MROH2A: variants seen among roughly 807,000 people sequenced by gnomAD.
The protein encoded by MROH2A is maestro heat-like repeat-containing protein family member 2A.
Under a neutral mutation model 200.4 loss-of-function variants are expected in MROH2A, and 174 were observed. The ratio of observed to expected loss-of-function variants is 0.87; its 90% confidence interval spans 0.77 to 0.98. MROH2A has a LOEUF of 0.98. Among genes scored for constraint, MROH2A ranks in the 50% least tolerant of loss-of-function variants. MROH2A has a pLI of 0.00. For missense variants in MROH2A, 2,045 were observed against 2,139.6 expected (o/e 0.96, Z 0.87); for synonymous variants, 829 against 840.4 (o/e 0.99, Z 0.23).
intron 3 of MROH2A, among the ~76,000 whole-genome samples, chr2:233,789,216 T>C (rs1013954038): frequency 6.6e-6 from 1 of 152,152 alleles, no homozygotes; most frequent in African/African-American, 2.4e-5. Flanking sequence ...GCCCCATGCA[T>C]AGAGAACCTT....
In MROH2A at chr2:233,810,753, T is replaced by A. The variant is rs766301696; in HGVS notation, c.2449-41T>A. 31 of 1,546,008 alleles carry A rather than the reference T, an allele frequency of 2.0e-5. 1 individual carries two copies. In the South Asian group the frequency reaches 3.2e-4, roughly 16 times the overall value. On this transcript the variant is annotated intron_variant, in intron 22 of 41. Transcript: ENST00000389758. ...GCAGCTTGGATTCTTCTGGGGCTGC[T>A]CACAAACATTCTCTCCCTCCTTTTC...
chr2:233,825,797 G>T lies in MROH2A; in HGVS notation c.4113+2133G>T, dbSNP rs181357378. ...GTTTTCTTTTTTTTGTTGTATCTCT[G>T]CCTGGTTTTGGTATCAGGATGATGC... On this transcript the variant is annotated intron_variant, in intron 35 of 41. Coordinates refer to ENST00000389758, the MANE Select transcript of MROH2A (RefSeq NM_001394639.1). Among the ~76,000 whole-genome samples, 263 of 151,928 alleles carry T rather than the reference G, an allele frequency of 1.7e-3. 1 individual carries two copies. The highest frequency in any genetic ancestry group is 3.1e-3 in the Non-Finnish European group (213 of 67,986).
chr2:233,801,838 G>T (rs1341340419), intron 14 of MROH2A, among the ~76,000 whole-genome samples: 5 of 152,196 alleles, frequency 3.3e-5, no homozygotes. Context: ...TGCCCCTCTA[G>T]AGGACTTGGG....
Position 233,829,757 on chromosome 2 carries a change from C to T in MROH2A, c.4584C>T (p.Pro1528=). 3 of 1,406,714 alleles carry T rather than the reference C, an allele frequency of 2.1e-6. No homozygotes were observed. The highest frequency in any genetic ancestry group is 2.8e-6 in the Non-Finnish European group (3 of 1,075,442). 87.1% of individuals were successfully genotyped at this position (1,406,714 alleles called of 1,614,324 possible). ...WIPLMLHSQD[P]CSNAAQACMA... ...CCCTCATGCTGCACTCCCAGGACCC[C>T]TGCTCCAATGCAGCCCAAGTAAGAT... The change falls in exon 38 of 42, where the codon CCC becomes CCT. Residue 1528 remains proline (P), a synonymous_variant. Transcript: ENST00000389758.
chr2:233,780,728 T>C (rs977387663), intron 3 of MROH2A, among the ~76,000 whole-genome samples: 2 of 152,222 alleles, frequency 1.3e-5, no homozygotes, highest in Non-Finnish European at 2.9e-5. Flanking sequence ...CATTTCTTTG[T>C]GTTGCAAGCA....
At chr2:233,822,678 C>G (rs1219910306) in intron 33 of MROH2A, 122 bp downstream of exon 33, 19 of 1,209,004 alleles carry the variant, frequency 1.6e-5, no homozygotes, top group Non-Finnish European at 2.2e-5. Context: ...GGGATCTGAT[C>G]TTACTCAAAA....
chr2:233,811,059 G>A (rs1703125421), intron 23 of MROH2A, 143 bp downstream of exon 23: 1 of 931,648 alleles, frequency 1.1e-6, no homozygotes. Context: ...TGTCCTAACT[G>A]TAGGAGTTCT....
rs181515688 is a variant in MROH2A, at chr2:233,801,467, A to G, written c.1561-701A>G. ...CAGAGAAACAGAACCAGTAGAAGAC[A>G]TATATAGCCTGGTTTATTTTAAGGA... On this transcript the variant is annotated intron_variant, in intron 14 of 41. Transcript: ENST00000389758. Among the ~76,000 whole-genome samples, 3 of 152,334 alleles carry G rather than the reference A, an allele frequency of 2.0e-5. No homozygotes were observed. In the East Asian group the frequency reaches 5.8e-4, roughly 29 times the overall value.
Position 233,807,671 on chromosome 2 carries a change from G to T in MROH2A, c.2173-62G>T. 6.5e-7 allele frequency: 1 copy of T among 1,549,396 alleles called. No homozygotes were observed. The highest frequency in any genetic ancestry group is 1.2e-5 in the South Asian group (1 of 83,964). The stretch of plus-strand genomic sequence containing the variant: ...GTGTGTGTGCCTTGCACGTGTGTGT[G>T]TGGGATCCTCCTCTGCCCACTGGCC... On this transcript the variant is annotated intron_variant, in intron 20 of 41. Coordinates refer to ENST00000389758, the MANE Select transcript of MROH2A (RefSeq NM_001394639.1). The surrounding 1 kb of genome is among the most constrained non-coding windows in gnomAD (Gnocchi z 4.3).
chr2:233,807,786 G>A lies in MROH2A; in HGVS notation c.2226G>A (p.Leu742=). The A allele has an allele frequency of 2.6e-6, 4 of 1,550,862 alleles. No homozygotes were observed. The highest frequency in any genetic ancestry group is 3.5e-6 in the Non-Finnish European group (4 of 1,147,056). Residue 742 remains leucine, a synonymous_variant, in exon 21 of 42, where the codon CTG becomes CTA. Transcript: ENST00000389758. This position sits in a 1 kb window ranked among gnomAD's most constrained non-coding sequence, Gnocchi z 4.3. ...LCARGQVKTV[L]NVLHDFEERI... ...CCCGGGGCCAGGTAAAAACGGTGCT[G>A]AATGTGCTTCATGACTTCGAGGAGA...
chr2:233,820,100 G>T lies in MROH2A; in HGVS notation c.3512+44G>T. The T allele has an allele frequency of 1.4e-6, 2 of 1,465,538 alleles. No homozygotes were observed. The highest frequency in any genetic ancestry group is 2.8e-5 in the South Asian group (2 of 72,396). 90.8% of individuals were successfully genotyped at this position (1,465,538 alleles called of 1,614,324 possible). On this transcript the variant is annotated intron_variant, in intron 31 of 41. Transcript: ENST00000389758. The surrounding 1 kb of genome is among the most constrained non-coding windows in gnomAD (Gnocchi z 4.1). Reference sequence around the variant, plus strand: ...GTGGCCCCGGCCTCCTGTGCCATTTGACCATGCCCAACTCACCACCCCGAT... The same window carrying T: ...GTGGCCCCGGCCTCCTGTGCCATTTTACCATGCCCAACTCACCACCCCGAT...
At chr2:233,804,298 C>T in intron 17 of MROH2A, 106 bp downstream of exon 17, 2 of 1,469,350 alleles carry the variant, frequency 1.4e-6, no homozygotes, top group South Asian at 1.3e-5. Flanking sequence ...CACAGTTGAC[C>T]CACACAGCCA....
intron 29 of MROH2A, 78 bp downstream of exon 29, chr2:233,818,848 C>T: frequency 5.6e-6 from 5 of 893,656 alleles, no homozygotes; most frequent in Non-Finnish European, 6.8e-6. Context: ...GGAGGCCTTC[C>T]TGGGCTGGCC....
In MROH2A at chr2:233,802,246, A is replaced by G. The variant is rs201151796; in HGVS notation, c.1639A>G (p.Thr547Ala). The G allele has an allele frequency of 6.4e-7, 1 of 1,550,546 alleles. No individual in the cohort carries two copies. Among genetic ancestry groups the G allele is most frequent in the Non-Finnish European group, 8.7e-7 (1 of 1,146,900 alleles). ...TTTGACTCCTATCTGTATCAGCCTC[A>G]CAAACCTGGCAGAACACCAGCTCCA... ...EALTPICISL[T>A]NLAEHQLHGQ... Residue 547 changes from threonine (T) to alanine (A), a missense_variant, in exon 15 of 42, where the codon ACA becomes GCA. Thr to Ala is a moderately conservative substitution (Grantham distance 58). Coordinates refer to ENST00000389758, the MANE Select transcript of MROH2A (RefSeq NM_001394639.1).
intron 26 of MROH2A, among the ~76,000 whole-genome samples, chr2:233,815,808 G>A (rs1185761202): frequency 6.8e-6 from 1 of 146,534 alleles, no homozygotes. Flanking sequence ...AATAAGCCTT[G>A]AAATCAGGAT....
chr2:233,830,983 T>G (rs1268884482), intron 38 of MROH2A, among the ~76,000 whole-genome samples: 1 of 152,014 alleles, frequency 6.6e-6, no homozygotes, highest in East Asian at 1.9e-4. Flanking sequence ...ACAGAAGCAT[T>G]TTGTCTTCCT....
chr2:233,801,351 C>T lies in MROH2A; in HGVS notation c.1561-817C>T, dbSNP rs184301104. On this transcript the variant is annotated intron_variant, in intron 14 of 41. Coordinates refer to ENST00000389758, the MANE Select transcript of MROH2A (RefSeq NM_001394639.1). The stretch of plus-strand genomic sequence containing the variant: ...GGGGTGGAGAGGGATTATAATTAGT[C>T]GGGGGTGTTGAACGGTCACCCAGGG... 1.5e-4 allele frequency among the ~76,000 whole-genome samples: 23 copies of T among 152,038 alleles called. No individual in the cohort carries two copies. In the East Asian group the frequency reaches 3.7e-3, roughly 24 times the overall value.
chr2:233,816,533 C>G (rs1703542568), intron 26 of MROH2A, among the ~76,000 whole-genome samples: 1 of 152,172 alleles, frequency 6.6e-6, no homozygotes, highest in South Asian at 2.1e-4. Flanking sequence ...TGCTCCTGGC[C>G]CTTCATTACA....
chr2:233,796,111 G>C, intron 10 of MROH2A, 66 bp downstream of exon 10: 1 of 1,517,936 alleles, frequency 6.6e-7, no homozygotes, highest in Non-Finnish European at 8.9e-7. Flanking sequence ...TAGGAGTCCC[G>C]GCCCCTCTGA....
Sources: allele counts gnomAD v4.1 joint callset (sites outside exome capture counted in the v4.1 genomes callset), GRCh38; gene constraint gnomAD v4.1.1; non-coding constraint Gnocchi (gnomAD v3.1); transcripts MANE v1.5; gene names NCBI Gene and HGNC (gene_info 2026-07-23, HGNC 2026-07-21).